Variants in ZNF704 observed in about 807,000 individuals in gnomAD.
The protein encoded by ZNF704 is zinc finger protein 704.
Under a neutral mutation model 44.7 loss-of-function variants are expected in ZNF704, and 10 were observed. The ratio of observed to expected loss-of-function variants is 0.22; its 90% CI spans 0.14 to 0.38. ZNF704 has a LOEUF of 0.38. ZNF704 is among the 10% of genes least tolerant of loss of function. The pLI, the probability that ZNF704 is intolerant of heterozygous loss-of-function variation, is 1.00. For synonymous variants in ZNF704, 211 were observed against 207.6 expected (o/e 1.02, Z -0.14); for missense variants, 390 against 545.5 (o/e 0.71, Z 2.84).
intron 2 of ZNF704, among the ~76,000 whole-genome samples, chr8:80,816,850 T>C (rs1008989438): frequency 2.6e-4 from 39 of 152,296 alleles, no homozygotes; most frequent in African/African-American, 9.1e-4. Flanking sequence ...AACTCTATAA[T>C]GCACTTACTC....
intron 6 of ZNF704, among the ~76,000 whole-genome samples, chr8:80,661,867 A>G (rs1275645427): frequency 6.6e-6 from 1 of 152,160 alleles, no homozygotes; most frequent in African/African-American, 2.4e-5. Flanking sequence ...ATGAGTACTA[A>G]TGTTTGATAG....
chr8:80,877,185 GAAAAAAAA>G (rs5892744), upstream of ZNF704, among the ~76,000 whole-genome samples: 1,225 of 59,752 alleles, frequency 0.021, 31 homozygotes, highest in African/African-American at 0.068. Flanking sequence ...CTCTGAATGG[GAAAAAAAA>G]AAAAAAAAAA....
intron 8 of ZNF704, among the ~76,000 whole-genome samples, chr8:80,641,990 A>C (rs1817752015): frequency 6.6e-6 from 1 of 152,232 alleles, no homozygotes; most frequent in South Asian, 2.1e-4. Context: ...AAACTGAATT[A>C]AACAAGTAAA....
At chr8:80,661,491 T>G (rs1818101170) in intron 6 of ZNF704, among the ~76,000 whole-genome samples, 1 of 152,186 alleles carries the variant, frequency 6.6e-6, no homozygotes, top group Non-Finnish European at 1.5e-5. Context: ...ACACCTGCAC[T>G]CTCATGTTTA....
Position 80,629,623 on chromosome 8 carries a change from G to A in ZNF704, c.*11743C>T, listed in dbSNP as rs1324825380. On this transcript the variant is annotated 3_prime_UTR_variant, in exon 9 of 9. Transcript: ENST00000327835. ...ATGAAAATATGAAATCAACAAGAGG[G>A]CTGAAGAAATTTGTGGATATTCTAT... 6.6e-6 allele frequency: 1 copy of A among 152,128 alleles called. No homozygotes were observed. The highest frequency in any genetic ancestry group is 1.5e-5 in the Non-Finnish European group (1 of 68,026). The allele number at this position is 152,128 out of a possible 1,614,324, so 9.4% of individuals were successfully genotyped here.
At chr8:80,754,182 T>C (rs1806996955) in intron 2 of ZNF704, among the ~76,000 whole-genome samples, 1 of 152,180 alleles carries the variant, frequency 6.6e-6, no homozygotes, top group South Asian at 2.1e-4. Context: ...TAACATTTCT[T>C]TCAGTTTAAT....
intron 7 of ZNF704, among the ~76,000 whole-genome samples, chr8:80,646,695 C>T (rs965217106): frequency 2.6e-5 from 4 of 152,066 alleles, no homozygotes; most frequent in Non-Finnish European, 5.9e-5. Flanking sequence ...GAGCAGAATC[C>T]TCCTCACCCC....
At chr8:80,673,045 G>T (rs771967504) in intron 4 of ZNF704, among the ~76,000 whole-genome samples, 1 of 152,134 alleles carries the variant, frequency 6.6e-6, no homozygotes, top group African/African-American at 2.4e-5. Flanking sequence ...ATGAATAAAT[G>T]ATATTTCATG....
chr8:80,670,732 A>C, intron 4 of ZNF704, 129 bp from the exon 5 acceptor site: 28 of 659,680 alleles, frequency 4.2e-5, no homozygotes, highest in Non-Finnish European at 5.4e-5. Flanking sequence ...ACTATAACTC[A>C]GCACACTATT....
chr8:80,866,147 G>A (rs1469117915), intron 1 of ZNF704, among the ~76,000 whole-genome samples: 1 of 152,036 alleles, frequency 6.6e-6, no homozygotes, highest in African/African-American at 2.4e-5. Context: ...TTCTTCATAT[G>A]GATCACTTGG....
At chr8:80,760,135 T>C (rs925133474) in intron 2 of ZNF704, among the ~76,000 whole-genome samples, 5 of 152,192 alleles carry the variant, frequency 3.3e-5, no homozygotes, top group Non-Finnish European at 7.3e-5. Context: ...CCCCTATTCC[T>C]GACCCACAGA....
intron 2 of ZNF704, among the ~76,000 whole-genome samples, chr8:80,719,669 A>G (rs755749121): frequency 7.9e-5 from 12 of 152,198 alleles, no homozygotes; most frequent in Non-Finnish European, 1.3e-4. Context: ...CCTTTTCACT[A>G]TGAATTTTAG....
At chr8:80,749,761 A>G (rs1806909771) in intron 2 of ZNF704, 1 of 152,502 alleles carries the variant, frequency 6.6e-6, no homozygotes, top group South Asian at 2.1e-4. Context: ...AACATTTAAC[A>G]AACACTCAAT....
At chr8:80,791,479 G>C (rs1454536967) in intron 2 of ZNF704, among the ~76,000 whole-genome samples, 1 of 152,186 alleles carries the variant, frequency 6.6e-6, no homozygotes, top group East Asian at 1.9e-4. Context: ...TTAGAAGTTT[G>C]GTGGCTCACA....
At chr8:80,771,476 T>C (rs1187617644) in intron 2 of ZNF704, among the ~76,000 whole-genome samples, 1 of 152,182 alleles carries the variant, frequency 6.6e-6, no homozygotes, top group African/African-American at 2.4e-5. Flanking sequence ...AATGATACTG[T>C]ATTTTAAATT....
At chr8:80,805,712 A>G (rs894833199) in intron 2 of ZNF704, among the ~76,000 whole-genome samples, 3 of 152,120 alleles carry the variant, frequency 2.0e-5, no homozygotes, top group Admixed American at 6.5e-5. Flanking sequence ...TAAGCATCAC[A>G]TTTTCCAAGA....
chr8:80,662,849 GGATA>G (rs1818122426), intron 6 of ZNF704, among the ~76,000 whole-genome samples: 1 of 152,024 alleles, frequency 6.6e-6, no homozygotes, highest in Non-Finnish European at 1.5e-5. Flanking sequence ...CGAAAAAACA[GGATA>G]GATTAAAAAG....
At chr8:80,876,813 T>G (rs2130095890), upstream of ZNF704, among the ~76,000 whole-genome samples, 1 of 152,304 alleles carries the variant, frequency 6.6e-6, no homozygotes, top group South Asian at 2.1e-4. Flanking sequence ...TGGGATACTC[T>G]CAGAGAATAA....
At position 80,630,609 on chromosome 8, in the gene ZNF704, T is replaced by C. The variant is rs1012913706; in HGVS notation, c.*10757A>G. The C allele has an allele frequency of 6.6e-6, 1 of 152,232 alleles. No individual in the cohort carries two copies. Among genetic ancestry groups the C allele is most frequent in the Non-Finnish European group, 1.5e-5 (1 of 68,038 alleles). 9.4% of individuals were successfully genotyped at this position (152,232 alleles called of 1,614,324 possible). On this transcript the variant is annotated 3_prime_UTR_variant, in exon 9 of 9. Coordinates refer to ENST00000327835, the MANE Select transcript of ZNF704 (RefSeq NM_001033723.3). ...AGGTTTTGTGATTACTGTTGTTCTC[T>C]CTCTCCAGTCTTCTCATTTGAAAAA...
Sources: gnomAD v4.1 joint callset for allele counts (sites outside exome capture counted in the v4.1 genomes callset) on GRCh38, gnomAD v4.1.1 for gene constraint, MANE v1.5 for transcripts, NCBI Gene and HGNC (gene_info 2026-07-23, HGNC 2026-07-21) for gene names.